Variants in EIF4EBP1 observed in about 807,000 individuals in gnomAD.
EIF4EBP1 encodes eukaryotic translation initiation factor 4E-binding protein 1.
In EIF4EBP1, 5 loss-of-function variants were observed where a neutral mutation model predicts 9.2. That is an observed-to-expected ratio of 0.54 (90% CI 0.28 to 1.14). EIF4EBP1 has a LOEUF of 1.14. EIF4EBP1 is among the 50% of genes most tolerant of loss of function. The probability of loss-of-function intolerance (pLI) is 0.09; values close to 1 mark genes in which losing one functional copy is unlikely to be tolerated. For missense variants in EIF4EBP1, 139 were observed against 169.6 expected (o/e 0.82, Z 1.00); for synonymous variants, 62 against 67.0 (o/e 0.93, Z 0.36).
chr8:38,041,904 A>G (rs1809385583), intron 1 of EIF4EBP1, among the ~76,000 whole-genome samples: 1 of 152,022 alleles, frequency 6.6e-6, no homozygotes, highest in South Asian at 2.1e-4. Flanking sequence ...AGGCAGGAGG[A>G]TCTCTGGAGC....
chr8:38,034,611 T>A (rs937589865), intron 1 of EIF4EBP1, among the ~76,000 whole-genome samples: 1 of 152,218 alleles, frequency 6.6e-6, no homozygotes, highest in Non-Finnish European at 1.5e-5. Context: ...GAAGCCTATA[T>A]ACAGGCTTGG....
Position 38,060,332 on chromosome 8 carries a change from G to A in EIF4EBP1, c.*397G>A. 1 of 275,362 alleles carries A rather than the reference G, an allele frequency of 3.6e-6. No individual in the cohort carries two copies. The highest frequency in any genetic ancestry group is 7.0e-6 in the Non-Finnish European group (1 of 143,280). 17.1% of individuals were successfully genotyped at this position (275,362 alleles called of 1,614,324 possible). A position where few individuals can be genotyped will look rare whatever the true frequency, so the allele number is the denominator to read the frequency against. Reference sequence around the variant, plus strand: ...TCCCTCCCCCTCCTTCCCCAAGAGAGGAAATAAAAGCCACCTTCGCCCTAG... The same window carrying A: ...TCCCTCCCCCTCCTTCCCCAAGAGAAGAAATAAAAGCCACCTTCGCCCTAG... On this transcript the variant is annotated 3_prime_UTR_variant, in exon 3 of 3. Coordinates refer to ENST00000338825, the MANE Select transcript of EIF4EBP1 (RefSeq NM_004095.4).
intron 1 of EIF4EBP1, among the ~76,000 whole-genome samples, chr8:38,046,395 A>T (rs1163771341): frequency 6.6e-6 from 1 of 152,140 alleles, no homozygotes; most frequent in East Asian, 1.9e-4. Flanking sequence ...GATACTGGCT[A>T]ACAAACATGC....
chr8:38,030,855 G>A, intron 1 of EIF4EBP1, 137 bp downstream of exon 1: 1 of 1,285,236 alleles, frequency 7.8e-7, no homozygotes, highest in Non-Finnish European at 1.0e-6. Context: ...GAGAGACAGC[G>A]AGGGTCATGG....
intron 1 of EIF4EBP1, among the ~76,000 whole-genome samples, chr8:38,050,550 G>A (rs1420053818): frequency 6.6e-6 from 1 of 152,024 alleles, no homozygotes; most frequent in Non-Finnish European, 1.5e-5. Context: ...GGGTTTTACC[G>A]TGTTGCTCAG....
chr8:38,033,743 CTTTTTTTTTT>C (rs34809551), intron 1 of EIF4EBP1, among the ~76,000 whole-genome samples: 2 of 104,278 alleles, frequency 1.9e-5, no homozygotes, highest in Admixed American at 1.2e-4. Flanking sequence ...GTTTGCTTTC[CTTTTTTTTTT>C]TTTTTTTTTT....
chr8:38,031,976 TC>T (rs1190059340), intron 1 of EIF4EBP1, among the ~76,000 whole-genome samples: 1 of 152,190 alleles, frequency 6.6e-6, no homozygotes, highest in Non-Finnish European at 1.5e-5. Flanking sequence ...TTGTTGCCAT[TC>T]CCGACTCATC....
At chr8:38,053,210 G>T (rs1809549836) in intron 1 of EIF4EBP1, among the ~76,000 whole-genome samples, 1 of 151,884 alleles carries the variant, frequency 6.6e-6, no homozygotes, top group Non-Finnish European at 1.5e-5. Context: ...TAGAGACAGG[G>T]TTTCACCGTG....
At position 38,030,696 on chromosome 8, in the gene EIF4EBP1, G is replaced by C. The variant is rs1485884522; in HGVS notation, c.123G>C (p.Thr41=). 6.1e-6 allele frequency: 9 copies of C among 1,472,836 alleles called. No homozygotes were observed. The highest frequency in any genetic ancestry group is 8.1e-6 in the Non-Finnish European group (9 of 1,117,532). The allele number at this position is 1,472,836 out of a possible 1,614,324, so 91.2% of individuals were successfully genotyped here. A position where few individuals can be genotyped will look rare whatever the true frequency, so the allele number is the denominator to read the frequency against. Residue 41 remains threonine (T), a synonymous_variant, in exon 1 of 3, where the codon ACG becomes ACC. Transcript: ENST00000338825. ...PGDYSTTPGG[T]LFSTTPGGTR... is the part of the protein sequence containing the mutation. ...ACTACAGCACGACCCCCGGCGGCAC[G>C]CTCTTCAGCACCACCCCGGGAGGTA...
chr8:38,034,250 A>G (rs537983802), intron 1 of EIF4EBP1, among the ~76,000 whole-genome samples: 2 of 151,672 alleles, frequency 1.3e-5, no homozygotes, highest in Non-Finnish European at 2.9e-5. Context: ...GTCTCTATGT[A>G]TTACCCAGGC....
At chr8:38,049,366 A>G (rs1809487759) in intron 1 of EIF4EBP1, among the ~76,000 whole-genome samples, 1 of 151,830 alleles carries the variant, frequency 6.6e-6, no homozygotes, top group African/African-American at 2.4e-5. Flanking sequence ...TATCGCCAGT[A>G]TTGTGAATTT....
At chr8:38,035,730 G>A (rs940278431) in intron 1 of EIF4EBP1, among the ~76,000 whole-genome samples, 1 of 151,126 alleles carries the variant, frequency 6.6e-6, no homozygotes, top group Non-Finnish European at 1.5e-5. Flanking sequence ...TTTTCCTCAA[G>A]ATGGAGCCTT....
chr8:38,052,019 G>A (rs535993885), intron 1 of EIF4EBP1, among the ~76,000 whole-genome samples: 3 of 152,132 alleles, frequency 2.0e-5, no homozygotes, highest in Admixed American at 6.6e-5. Flanking sequence ...GAGTCACTGC[G>A]CCCAGCCGTA....
At chr8:38,031,843 C>CGT (rs1403556276) in intron 1 of EIF4EBP1, among the ~76,000 whole-genome samples, 6 of 152,214 alleles carry the variant, frequency 3.9e-5, no homozygotes, top group Non-Finnish European at 8.8e-5. Flanking sequence ...AGCTTGAACA[C>CGT]GTGTCTGTTG....
chr8:38,033,523 T>A (rs868390535), intron 1 of EIF4EBP1, among the ~76,000 whole-genome samples: 3 of 151,608 alleles, frequency 2.0e-5, no homozygotes, highest in Admixed American at 6.6e-5. Flanking sequence ...AACTTTGATC[T>A]CTAAATCGTG....
intron 1 of EIF4EBP1, among the ~76,000 whole-genome samples, chr8:38,043,975 G>A (rs1236161469): frequency 1.3e-5 from 2 of 152,076 alleles, no homozygotes; most frequent in African/African-American, 4.8e-5. Context: ...AGGGAAGACC[G>A]AGATTCTGGC....
intron 1 of EIF4EBP1, among the ~76,000 whole-genome samples, chr8:38,054,855 G>A (rs961305162): frequency 2.6e-4 from 39 of 151,768 alleles, no homozygotes; most frequent in African/African-American, 9.5e-4. Context: ...GAAGGTGCAT[G>A]GGTCTTTATT....
intron 2 of EIF4EBP1, among the ~76,000 whole-genome samples, chr8:38,057,729 T>C (rs1316607790): frequency 1.3e-5 from 2 of 152,220 alleles, no homozygotes; most frequent in Admixed American, 1.3e-4. Flanking sequence ...TGTTGGGCTG[T>C]TGGTCCCCTA....
At chr8:38,046,866 C>A (rs1809454691) in intron 1 of EIF4EBP1, among the ~76,000 whole-genome samples, 1 of 152,300 alleles carries the variant, frequency 6.6e-6, no homozygotes, top group East Asian at 1.9e-4. Flanking sequence ...AAGACCGAAC[C>A]TTGAACTCTA....
Sources: allele counts gnomAD v4.1 joint callset (sites outside exome capture counted in the v4.1 genomes callset), GRCh38; gene constraint gnomAD v4.1.1; transcripts MANE v1.5; gene names NCBI Gene and HGNC (gene_info 2026-07-23, HGNC 2026-07-21).